The following SYNE2 variants were observed in gnomAD, a reference collection of about 807,000 sequenced individuals.
SYNE2 encodes spectrin repeat containing nuclear envelope protein 2.
SYNE2 carries 431 observed loss-of-function variants against 856.3 expected under a neutral mutation model. The observed-to-expected ratio is 0.50, with a 90% CI of 0.47 to 0.55. SYNE2 has a LOEUF of 0.55. Among genes scored for constraint, SYNE2 ranks in the 20% least tolerant of loss-of-function variants. SYNE2 has a pLI of 0.00. For missense variants in SYNE2, 8,129 were observed against 8,023.2 expected, an observed-to-expected ratio of 1.01 and a Z score of -0.50; for synonymous variants, 2,923 against 2,872.3, an observed-to-expected ratio of 1.02 and a Z score of -0.56.
At chr14:63,898,793 CA>C in intron 1 of SYNE2, among the ~76,000 whole-genome samples, 1 of 152,132 alleles carries the variant, frequency 6.6e-6, no homozygotes, top group Non-Finnish European at 1.5e-5. Flanking sequence ...TCTACCCTAA[CA>C]CTTGATTCGT....
At chr14:63,915,447 T>C (rs1451975996) in intron 2 of SYNE2, among the ~76,000 whole-genome samples, 2 of 152,212 alleles carry the variant, frequency 1.3e-5, no homozygotes, top group Non-Finnish European at 2.9e-5. Flanking sequence ...TTTACTTGGC[T>C]TTCAAAAACA....
chr14:63,853,186 C>T (rs1258536450), intron 1 of SYNE2, 43 bp downstream of exon 1: 1 of 151,536 alleles, frequency 6.6e-6, no homozygotes, highest in South Asian at 2.1e-4. Context: ...CCGGTGCGCC[C>T]CGGAGAGAGT....
intron 86 of SYNE2, 107 bp downstream of exon 86, chr14:64,158,902 C>T (rs2098307186): frequency 8.1e-7 from 1 of 1,232,372 alleles, no homozygotes. Context: ...CAGAGAAGCA[C>T]AAAGCATGTT....
chr14:64,042,829 A>G (rs1303474953), intron 45 of SYNE2, among the ~76,000 whole-genome samples: 7 of 152,178 alleles, frequency 4.6e-5, no homozygotes, highest in Non-Finnish European at 1.0e-4. Flanking sequence ...AATACCGTAA[A>G]TAGGTACCAG....
intron 81 of SYNE2, 59 bp downstream of exon 81, chr14:64,141,582 T>C: frequency 1.9e-6 from 3 of 1,549,256 alleles, no homozygotes; most frequent in Non-Finnish European, 2.7e-6. Flanking sequence ...CATAACTCTT[T>C]TAAAATTATT....
chr14:64,098,578 G>C (rs2097696004), intron 62 of SYNE2, 169 bp from the exon 63 acceptor site: 1 of 698,630 alleles, frequency 1.4e-6, no homozygotes, highest in Non-Finnish European at 2.6e-6. Flanking sequence ...ACTGACTCCG[G>C]ATATCTGGCT....
Position 64,089,560 on chromosome 14 carries a change from T to C in SYNE2, c.11671-14T>C. On this transcript the variant is annotated splice_polypyrimidine_tract_variant and intron_variant, in intron 58 of 115. Transcript: ENST00000555002. The stretch of plus-strand genomic sequence containing the variant: ...CAATATATATTGCATCAGTGTGTTC[T>C]TCTGAAATTCTAGGATGTGGTTGCT... 1 of 1,606,664 alleles carries C rather than the reference T, an allele frequency of 6.2e-7. No homozygotes were observed. The highest frequency in any genetic ancestry group is 8.5e-7 in the Non-Finnish European group (1 of 1,174,802).
intron 1 of SYNE2, among the ~76,000 whole-genome samples, chr14:63,868,598 C>G (rs1004260414): frequency 6.6e-6 from 1 of 151,978 alleles, no homozygotes; most frequent in African/African-American, 2.4e-5. Context: ...TCCCAAGGTC[C>G]CAGGTGTCAG....
intron 1 of SYNE2, among the ~76,000 whole-genome samples, chr14:63,847,868 G>A (rs774989311): frequency 9.4e-5 from 14 of 149,730 alleles, no homozygotes; most frequent in Non-Finnish European, 2.1e-4. Flanking sequence ...TTACAGGCAT[G>A]AGCCACCATG....
At chr14:63,840,377 T>C (rs1890011283) in intron 1 of SYNE2, among the ~76,000 whole-genome samples, 1 of 151,922 alleles carries the variant, frequency 6.6e-6, no homozygotes, top group Non-Finnish European at 1.5e-5. Flanking sequence ...ACCCAGTTTT[T>C]TGTATTTCTT....
intron 100 of SYNE2, 75 bp downstream of exon 100, chr14:64,203,038 A>G (rs994661811): frequency 2.5e-5 from 39 of 1,573,526 alleles, no homozygotes; most frequent in Middle Eastern, 1.8e-4. Flanking sequence ...TTCCCCGTAT[A>G]TCTATGTGTT....
At chr14:63,820,971 G>A (rs1022179254) in intron 1 of SYNE2, among the ~76,000 whole-genome samples, 5 of 152,030 alleles carry the variant, frequency 3.3e-5, no homozygotes, top group East Asian at 1.9e-4. Flanking sequence ...GGCTGGTTTC[G>A]AATTTCTAAC....
chr14:64,148,494 A>G (rs2098208603), intron 84 of SYNE2, among the ~76,000 whole-genome samples: 1 of 152,030 alleles, frequency 6.6e-6, no homozygotes, highest in African/African-American at 2.4e-5. Flanking sequence ...TTACATTTGC[A>G]GCTGATTGCA....
chr14:63,906,498 T>C (rs904306233), intron 1 of SYNE2, among the ~76,000 whole-genome samples: 6 of 152,344 alleles, frequency 3.9e-5, no homozygotes, highest in Middle Eastern at 3.4e-3. Context: ...GAGTTTGATA[T>C]TGGTCTACTC....
At position 63,941,430 on chromosome 14, in the gene SYNE2, A is replaced by G. The variant is rs1242568540; in HGVS notation, c.142-265A>G. 5.3e-5 allele frequency among the ~76,000 whole-genome samples: 8 copies of G among 152,226 alleles called. No homozygotes were observed. In the East Asian group the frequency reaches 1.5e-3, roughly 29 times the overall value. ...ACTGATTCTAAAAGTCTTTAATGCC[A>G]CTTGTGTGCACAGGTTTTAAGCTCT... On this transcript the variant is annotated intron_variant, in intron 3 of 115. Transcript: ENST00000555002.
chr14:64,213,107 T>C (rs2098649875), intron 105 of SYNE2, 102 bp downstream of exon 105: 2 of 1,261,682 alleles, frequency 1.6e-6, no homozygotes, highest in African/African-American at 1.5e-5. Flanking sequence ...TGGTTAATTA[T>C]GGTTTATTTT....
chr14:64,208,702 G>C, intron 100 of SYNE2, 56 bp from the exon 101 acceptor site: 2 of 1,593,960 alleles, frequency 1.3e-6, no homozygotes, highest in Non-Finnish European at 1.7e-6. Flanking sequence ...CTTTGATGCT[G>C]ACCCTCCTGC....
intron 1 of SYNE2, among the ~76,000 whole-genome samples, chr14:63,902,302 T>C (rs951033949): frequency 1.4e-5 from 2 of 143,334 alleles, no homozygotes; most frequent in Non-Finnish European, 3.0e-5. Flanking sequence ...TCCCAGCTAC[T>C]AGGGAGGCTG....
chr14:64,170,540 T>C, intron 94 of SYNE2, 78 bp downstream of exon 94: 1 of 1,403,332 alleles, frequency 7.1e-7, no homozygotes, highest in Non-Finnish European at 9.9e-7. Context: ...TTTGGTTTAA[T>C]GTTTTTGATG....
Sources: gnomAD v4.1 joint callset for allele counts (sites outside exome capture counted in the v4.1 genomes callset) on GRCh38, gnomAD v4.1.1 for gene constraint, MANE v1.5 for transcripts, NCBI Gene and HGNC (gene_info 2026-07-23, HGNC 2026-07-21) for gene names.